NTNG1: variants seen among roughly 807,000 people sequenced by gnomAD.
NTNG1 encodes netrin-G1.
Under a neutral mutation model 54.0 loss-of-function variants are expected in NTNG1, and 16 were observed. The ratio of observed to expected loss-of-function variants is 0.30; its 90% CI spans 0.20 to 0.45. The LOEUF is 0.45. Among genes scored for constraint, NTNG1 ranks in the 20% least tolerant of loss-of-function variants. The pLI, the probability that NTNG1 is intolerant of heterozygous loss-of-function variation, is 1.00. For synonymous variants in NTNG1, 255 were observed against 263.1 expected, an observed-to-expected ratio of 0.97 and a Z score of 0.30; for missense variants, 530 against 678.7, an observed-to-expected ratio of 0.78 and a Z score of 2.43.
chr1:107,193,884 C>T (rs531894861), intron 2 of NTNG1, among the ~76,000 whole-genome samples: 9 of 151,618 alleles, frequency 5.9e-5, no homozygotes, highest in Non-Finnish European at 1.2e-4. Context: ...AAAGAAAAGA[C>T]CTATAGTGTC....
At chr1:107,220,965 T>G (rs1660301831) in intron 2 of NTNG1, among the ~76,000 whole-genome samples, 1 of 152,188 alleles carries the variant, frequency 6.6e-6, no homozygotes, top group Non-Finnish European at 1.5e-5. Context: ...TTCCACTTAT[T>G]ATCAATGGAT....
chr1:107,468,068 G>T (rs1054859132), intron 7 of NTNG1, among the ~76,000 whole-genome samples: 4 of 152,112 alleles, frequency 2.6e-5, no homozygotes, highest in Non-Finnish European at 5.9e-5. Flanking sequence ...TGGTTATGGT[G>T]ACAGCAAGGC....
chr1:107,207,987 G>C (rs1659321823), intron 2 of NTNG1, among the ~76,000 whole-genome samples: 1 of 152,168 alleles, frequency 6.6e-6, no homozygotes, highest in South Asian at 2.1e-4. Context: ...ACTCACAGAA[G>C]AATGTTTTCT....
Position 107,446,280 on chromosome 1 carries a change from T to A in NTNG1, c.1390+9481T>A, listed in dbSNP as rs1207211754. On this transcript the variant is annotated intron_variant, in intron 7 of 7. Transcript: ENST00000370068. ...AAGATCACAGACATAATCAGTGCCG[T>A]CTGTTTAAAGGCTTTAAGAGCCAGC... Among the ~76,000 whole-genome samples the A allele has an allele frequency of 4.6e-5, 7 of 151,966 alleles. No homozygotes were observed. In the East Asian group the frequency reaches 1.2e-3, roughly 25 times the overall value.
intron 1 of NTNG1, among the ~76,000 whole-genome samples, chr1:107,142,256 T>TA (rs947507061): frequency 2.0e-5 from 3 of 150,922 alleles, no homozygotes; most frequent in Non-Finnish European, 2.9e-5. Context: ...AACTTAGATA[T>TA]AAAAAGAAAC....
At chr1:107,282,572 G>A (rs1403588797) in intron 2 of NTNG1, among the ~76,000 whole-genome samples, 2 of 152,236 alleles carry the variant, frequency 1.3e-5, no homozygotes, top group South Asian at 2.1e-4. Flanking sequence ...GTCCCCTTCT[G>A]TTGGCCCTCA....
chr1:107,408,605 T>C (rs1673596484), intron 5 of NTNG1: 1 of 149,488 alleles, frequency 6.7e-6, no homozygotes, highest in Non-Finnish European at 1.5e-5. Context: ...GCCCAGTAAC[T>C]TTACAGAGCA....
chr1:107,213,173 G>A (rs1659705292), intron 2 of NTNG1, among the ~76,000 whole-genome samples: 1 of 151,942 alleles, frequency 6.6e-6, no homozygotes, highest in African/African-American at 2.4e-5. Context: ...CTCATTGACT[G>A]TTAATGTTTA....
intron 2 of NTNG1, among the ~76,000 whole-genome samples, chr1:107,233,589 G>A (rs990610019): frequency 2.0e-5 from 3 of 152,132 alleles, no homozygotes; most frequent in African/African-American, 4.8e-5. Flanking sequence ...CAGCATGGTG[G>A]TCAAGTTCTT....
intron 5 of NTNG1, among the ~76,000 whole-genome samples, chr1:107,427,937 A>T (rs1450414581): frequency 6.6e-6 from 1 of 152,174 alleles, no homozygotes; most frequent in Non-Finnish European, 1.5e-5. Context: ...TAGTGATAAT[A>T]TCACATTTAA....
At chr1:107,304,728 CT>C (rs201055533) in intron 2 of NTNG1, among the ~76,000 whole-genome samples, 11,375 of 140,800 alleles carry the variant, frequency 0.081, 596 homozygotes, top group South Asian at 0.22. Flanking sequence ...TCAGAATGTT[CT>C]TTTTTTTTTT....
At chr1:107,325,060 C>T in intron 3 of NTNG1, 138 bp downstream of exon 3, 2 of 843,392 alleles carry the variant, frequency 2.4e-6, no homozygotes, top group Admixed American at 2.7e-5. Context: ...GAAGTAGGTT[C>T]TGAAGGCATT....
chr1:107,311,488 A>T (rs1457952824), intron 2 of NTNG1, among the ~76,000 whole-genome samples: 2 of 152,136 alleles, frequency 1.3e-5, no homozygotes, highest in African/African-American at 4.8e-5. Flanking sequence ...TAACTATATC[A>T]ATCACACAAA....
intron 2 of NTNG1, among the ~76,000 whole-genome samples, chr1:107,307,813 C>G (rs1246662049): frequency 6.6e-6 from 1 of 152,152 alleles, no homozygotes; most frequent in African/African-American, 2.4e-5. Context: ...GCCCTGTTCT[C>G]ACTTCTACGT....
intron 5 of NTNG1, 52 bp from the exon 6 acceptor site, chr1:107,430,698 A>G (rs1019861049): frequency 6.4e-7 from 1 of 1,574,260 alleles, no homozygotes; most frequent in Non-Finnish European, 8.7e-7. Flanking sequence ...GTAGTATGCT[A>G]TTACTCTGCT....
chr1:107,162,997 C>A (rs1655524052), intron 2 of NTNG1, among the ~76,000 whole-genome samples: 1 of 152,106 alleles, frequency 6.6e-6, no homozygotes, highest in Non-Finnish European at 1.5e-5. Flanking sequence ...AAAACCACAG[C>A]CAGGAAGTTT....
At chr1:107,245,496 A>G (rs569562826) in intron 2 of NTNG1, among the ~76,000 whole-genome samples, 2 of 152,294 alleles carry the variant, frequency 1.3e-5, no homozygotes, top group East Asian at 1.9e-4. Flanking sequence ...TAGTTTTTAA[A>G]TTGAAATGAT....
In NTNG1 at chr1:107,313,673, A is replaced by G. The variant is rs919121605; in HGVS notation, c.247-10609A>G. Among the ~76,000 whole-genome samples, 22 of 152,158 alleles carry G rather than the reference A, an allele frequency of 1.4e-4. 1 individual carries two copies. The highest frequency in any genetic ancestry group is 1.2e-3 in the Admixed American group (19 of 15,264). On this transcript the variant is annotated intron_variant, in intron 2 of 7. Transcript: ENST00000370068. ...GGCAAAACAAAGTGAGGAGGAGTAG[A>G]TGATGGAGAGGTTAAAAAAAATAGT...
At position 107,221,661 on chromosome 1, in the gene NTNG1, G is replaced by T. The variant is rs115259119; in HGVS notation, c.246+72822G>T. Reference sequence around the variant, plus strand: ...ATGAGAGCTGGAGGTGGAAGGCAAAGCCTGTGTATTTTAACACTCAGCACA... The same window carrying T: ...ATGAGAGCTGGAGGTGGAAGGCAAATCCTGTGTATTTTAACACTCAGCACA... On this transcript the variant is annotated intron_variant, in intron 2 of 7. Coordinates refer to ENST00000370068, the MANE Select transcript of NTNG1 (RefSeq NM_001113226.3). Among the ~76,000 whole-genome samples the T allele has an allele frequency of 4.8e-3, 727 of 152,298 alleles. 7 individuals carry two copies. The highest frequency in any genetic ancestry group is 0.017 in the African/African-American group (686 of 41,554).
Sources: allele counts gnomAD v4.1 joint callset (sites outside exome capture counted in the v4.1 genomes callset), GRCh38; gene constraint gnomAD v4.1.1; transcripts MANE v1.5; gene names NCBI Gene and HGNC (gene_info 2026-07-23, HGNC 2026-07-21).